Variants in UBXN2A observed in about 807,000 individuals in gnomAD.
UBXN2A encodes the protein UBX domain-containing protein 2A.
Under a neutral mutation model 28.4 loss-of-function variants are expected in UBXN2A, and 28 were observed. The observed-to-expected ratio is 0.99, with a 90% CI of 0.73 to 1.35. The LOEUF (loss-of-function observed/expected upper bound fraction) is 1.35, where lower values mean the gene tolerates loss of function less well. Ranked by LOEUF, UBXN2A falls within the 40% of genes most tolerant of loss-of-function variation. UBXN2A has a pLI of 0.00. For synonymous variants in UBXN2A, 97 were observed against 103.6 expected, an observed-to-expected ratio of 0.94 and a Z score of 0.39; for missense variants, 253 against 297.9, an observed-to-expected ratio of 0.85 and a Z score of 1.11.
At chr2:23,991,771 CTTTT>C (rs1265011136) in intron 6 of UBXN2A, among the ~76,000 whole-genome samples, 1 of 149,004 alleles carries the variant, frequency 6.7e-6, no homozygotes, top group Non-Finnish European at 1.5e-5. Context: ...AGTGCCCGGC[CTTTT>C]TTGTTTTTTG....
At chr2:23,964,041 A>C (rs1707052887) in intron 2 of UBXN2A, among the ~76,000 whole-genome samples, 1 of 151,712 alleles carries the variant, frequency 6.6e-6, no homozygotes, top group South Asian at 2.1e-4. Context: ...CTGAGACAGG[A>C]GGATCGTTTG....
At position 23,960,905 on chromosome 2, in the gene UBXN2A, G is replaced by T. The variant is rs137859424; in HGVS notation, c.41+2550G>T. On this transcript the variant is annotated intron_variant, in intron 2 of 6. Transcript: ENST00000309033. Reference sequence around the variant, plus strand: ...CCGCCTTGGCCTCCCAGAGTTCTGGGATTACAGGTGTGAGCCACCATGCCT... The same window carrying T: ...CCGCCTTGGCCTCCCAGAGTTCTGGTATTACAGGTGTGAGCCACCATGCCT... Among the ~76,000 whole-genome samples, 428 of 152,276 alleles carry T rather than the reference G, an allele frequency of 2.8e-3. 2 individuals carry two copies. The highest frequency in any genetic ancestry group is 0.017 in the Middle Eastern group (5 of 294).
chr2:23,947,593 C>G (rs1445479854), intron 1 of UBXN2A, among the ~76,000 whole-genome samples: 2 of 152,106 alleles, frequency 1.3e-5, no homozygotes, highest in African/African-American at 4.8e-5. Flanking sequence ...TTAGTTGGTT[C>G]ATTTGCATGT....
At chr2:23,981,479 A>T (rs1255913573) in intron 4 of UBXN2A, among the ~76,000 whole-genome samples, 3 of 105,880 alleles carry the variant, frequency 2.8e-5, no homozygotes, top group Admixed American at 9.6e-5. Context: ...TCCTATCTAA[A>T]AAAAAAAAAA....
chr2:23,953,472 A>C (rs1706468887), intron 1 of UBXN2A, among the ~76,000 whole-genome samples: 2 of 152,214 alleles, frequency 1.3e-5, no homozygotes, highest in Non-Finnish European at 2.9e-5. Context: ...CAGTGACTTA[A>C]AAAACTTATA....
intron 6 of UBXN2A, among the ~76,000 whole-genome samples, chr2:23,991,124 G>GT (rs1708336954): frequency 6.6e-6 from 1 of 152,016 alleles, no homozygotes; most frequent in Non-Finnish European, 1.5e-5. Context: ...TTTTTCTTCC[G>GT]TTTTTTCTGC....
At chr2:23,945,679 T>TA (rs1315827053) in intron 1 of UBXN2A, among the ~76,000 whole-genome samples, 1 of 151,860 alleles carries the variant, frequency 6.6e-6, no homozygotes, top group South Asian at 2.1e-4. Context: ...ATCCATAATC[T>TA]AAAAAAAAGT....
At chr2:23,965,292 C>G (rs1005461097) in intron 2 of UBXN2A, among the ~76,000 whole-genome samples, 1 of 152,168 alleles carries the variant, frequency 6.6e-6, no homozygotes, top group Non-Finnish European at 1.5e-5. Flanking sequence ...TTGTCTTGTT[C>G]CTGATCTTAG....
intron 3 of UBXN2A, among the ~76,000 whole-genome samples, chr2:23,974,345 C>CTT (rs1296937516): frequency 7.7e-6 from 1 of 130,558 alleles, no homozygotes. Flanking sequence ...ATTTAACCAA[C>CTT]TTTTTTTTTT....
chr2:23,982,325 C>A (rs907816586), intron 4 of UBXN2A, among the ~76,000 whole-genome samples: 1 of 151,862 alleles, frequency 6.6e-6, no homozygotes, highest in African/African-American at 2.4e-5. Context: ...CGAGATCGTG[C>A]CACTGCAGTC....
intron 1 of UBXN2A, among the ~76,000 whole-genome samples, chr2:23,943,666 T>C (rs1187731729): frequency 6.6e-6 from 1 of 151,970 alleles, no homozygotes; most frequent in African/African-American, 2.4e-5. Flanking sequence ...TTTGTATTTT[T>C]AGTAGAGAGA....
At position 23,967,902 on chromosome 2, in the gene UBXN2A, G is replaced by A. The variant is rs542261526; in HGVS notation, c.42-3374G>A. ...AAGTTAAAGCACTGCCCTGAGTATC[G>A]GCATTTTAGTAACAATATAGTGATG... On this transcript the variant is annotated intron_variant, in intron 2 of 6. Transcript: ENST00000309033. 9.2e-5 allele frequency among the ~76,000 whole-genome samples: 14 copies of A among 151,964 alleles called. No homozygotes were observed. The South Asian group carries it at 1.7e-3, about 18-fold the overall frequency.
intron 2 of UBXN2A, among the ~76,000 whole-genome samples, chr2:23,961,160 A>G (rs1706886402): frequency 1.3e-5 from 2 of 151,408 alleles, no homozygotes; most frequent in Admixed American, 1.3e-4. Flanking sequence ...CAGTGGTACA[A>G]TCTTGGCTCA....
chr2:23,929,127 AAAAG>A (rs929813393), intron 1 of UBXN2A, among the ~76,000 whole-genome samples: 1 of 152,028 alleles, frequency 6.6e-6, no homozygotes, highest in Non-Finnish European at 1.5e-5. Context: ...CTCCCTGCCA[AAAAG>A]AAAGAGAGAG....
chr2:23,993,498 T>TTAC (rs1318310250), intron 6 of UBXN2A, among the ~76,000 whole-genome samples: 1 of 152,066 alleles, frequency 6.6e-6, no homozygotes, highest in Non-Finnish European at 1.5e-5. Context: ...TTTCACTCTG[T>TTAC]TACTCTCTTC....
At chr2:23,984,245 C>T (rs1366948590) in intron 5 of UBXN2A, among the ~76,000 whole-genome samples, 1 of 152,160 alleles carries the variant, frequency 6.6e-6, no homozygotes. Context: ...TATCTGGATG[C>T]ATCCTTCAGA....
intron 1 of UBXN2A, among the ~76,000 whole-genome samples, chr2:23,928,370 G>A (rs1705209245): frequency 2.6e-5 from 4 of 152,156 alleles, no homozygotes; most frequent in Admixed American, 1.3e-4. Context: ...GAGGTCAGGA[G>A]TTCGAGACCA....
intron 5 of UBXN2A, among the ~76,000 whole-genome samples, chr2:23,983,685 CT>C (rs950802551): frequency 6.6e-6 from 1 of 151,604 alleles, no homozygotes; most frequent in Non-Finnish European, 1.5e-5. Context: ...TTATTGTTCT[CT>C]TTTTTTTGAG....
chr2:23,970,284 A>C (rs1298567830), intron 2 of UBXN2A, among the ~76,000 whole-genome samples: 1 of 152,184 alleles, frequency 6.6e-6, no homozygotes, highest in Non-Finnish European at 1.5e-5. Flanking sequence ...ACCTTGTCTC[A>C]AGAAAACCTC....
Sources: allele counts gnomAD v4.1 joint callset (sites outside exome capture counted in the v4.1 genomes callset), GRCh38; gene constraint gnomAD v4.1.1; transcripts MANE v1.5; gene names NCBI Gene and HGNC (gene_info 2026-07-23, HGNC 2026-07-21).